AP3B1: variants seen among roughly 807,000 people sequenced by gnomAD.
AP3B1 encodes the protein adaptor related protein complex 3 subunit beta 1.
Under a neutral mutation model 132.5 loss-of-function variants are expected in AP3B1, and 61 were observed. The ratio of observed to expected loss-of-function variants is 0.46; its 90% CI spans 0.37 to 0.57. The LOEUF (loss-of-function observed/expected upper bound fraction) is 0.57, where lower values mean the gene tolerates loss of function less well. AP3B1 is among the 20% of genes least tolerant of loss of function. The pLI is 0.00. For missense variants in AP3B1, 1,120 were observed against 1,289.4 expected (o/e 0.87, Z 2.01); for synonymous variants, 388 against 438.3 (o/e 0.89, Z 1.43).
Position 78,183,173 on chromosome 5 carries a change from A to G in AP3B1, c.787-1511T>C, listed in dbSNP as rs543741951. Among the ~76,000 whole-genome samples, 7 of 152,314 alleles carry G rather than the reference A, an allele frequency of 4.6e-5. No individual in the cohort carries two copies. In the South Asian group the frequency reaches 1.4e-3, roughly 32 times the overall value. On this transcript the variant is annotated intron_variant, in intron 7 of 26. Transcript: ENST00000255194. ...GGAGCCAGAAATCCCACATTCACCT[A>G]TGGTAACAATGAGTAAAATCCCTCT... is the stretch of plus-strand genomic sequence containing the variant.
chr5:78,189,867 C>CTAAAA (rs1162656179), intron 7 of AP3B1, among the ~76,000 whole-genome samples: 4 of 102,590 alleles, frequency 3.9e-5, no homozygotes, highest in Admixed American at 1.1e-4. Flanking sequence ...AAGACTCCAT[C>CTAAAA]TCAAATAAAA....
chr5:78,161,291 A>T (rs1743377712), intron 13 of AP3B1, among the ~76,000 whole-genome samples: 2 of 152,034 alleles, frequency 1.3e-5, no homozygotes, highest in African/African-American at 2.4e-5. Context: ...AAAAGTCAAA[A>T]AATAAAATTG....
intron 1 of AP3B1, among the ~76,000 whole-genome samples, chr5:78,290,598 T>A (rs183230821): frequency 0.011 from 1,649 of 152,204 alleles, 16 homozygotes; most frequent in Middle Eastern, 0.024. Flanking sequence ...AGTTTTTTTT[T>A]AAATGAAGAA....
intron 22 of AP3B1, among the ~76,000 whole-genome samples, chr5:78,079,683 C>A (rs2112178615): frequency 6.6e-6 from 1 of 152,176 alleles, no homozygotes; most frequent in East Asian, 1.9e-4. Context: ...TAATGTAGCT[C>A]ACATTTATAA....
chr5:78,122,325 T>C (rs1580375966), intron 17 of AP3B1, among the ~76,000 whole-genome samples: 1 of 152,244 alleles, frequency 6.6e-6, no homozygotes, highest in East Asian at 1.9e-4. Flanking sequence ...CTATTCAACA[T>C]AGGGTTGGAA....
intron 3 of AP3B1, among the ~76,000 whole-genome samples, chr5:78,228,732 C>T (rs1400042933): frequency 6.6e-6 from 1 of 152,132 alleles, no homozygotes; most frequent in African/African-American, 2.4e-5. Flanking sequence ...AGGCCACTAA[C>T]TATATGTTAT....
At chr5:78,048,671 T>G (rs983522000) in intron 22 of AP3B1, among the ~76,000 whole-genome samples, 9 of 152,208 alleles carry the variant, frequency 5.9e-5, no homozygotes, top group African/African-American at 2.2e-4. Context: ...AAAGCATAGA[T>G]GAGAGACAGA....
intron 15 of AP3B1, among the ~76,000 whole-genome samples, chr5:78,131,345 T>C (rs1752678742): frequency 6.6e-6 from 1 of 152,072 alleles, no homozygotes; most frequent in Admixed American, 6.6e-5. Flanking sequence ...AACTTTCTTC[T>C]CTGTAGACCA....
intron 21 of AP3B1, among the ~76,000 whole-genome samples, chr5:78,100,510 T>C (rs558097119): frequency 8.5e-5 from 13 of 152,270 alleles, no homozygotes; most frequent in African/African-American, 3.1e-4. Flanking sequence ...TCCAAAGGCT[T>C]TGTAACCCAT....
chr5:78,138,191 T>G (rs576258155), intron 15 of AP3B1, among the ~76,000 whole-genome samples: 1 of 152,268 alleles, frequency 6.6e-6, no homozygotes, highest in South Asian at 2.1e-4. Flanking sequence ...TCAGGCTGGG[T>G]GCAGTGGCTC....
chr5:78,195,087 A>C (rs1745025351), intron 7 of AP3B1, among the ~76,000 whole-genome samples: 1 of 152,098 alleles, frequency 6.6e-6, no homozygotes, highest in Non-Finnish European at 1.5e-5. Flanking sequence ...AATTTAAAAA[A>C]ATGGGGACCA....
At chr5:78,139,876 G>A (rs1753072035) in intron 15 of AP3B1, among the ~76,000 whole-genome samples, 1 of 152,124 alleles carries the variant, frequency 6.6e-6, no homozygotes. Flanking sequence ...ACGAAGGGAT[G>A]AAGGATGTCA....
At chr5:78,095,841 C>T (rs1377803585) in intron 21 of AP3B1, among the ~76,000 whole-genome samples, 1 of 152,058 alleles carries the variant, frequency 6.6e-6, no homozygotes, top group Non-Finnish European at 1.5e-5. Context: ...AAAAGCAGGA[C>T]TATGAAAGAT....
At chr5:78,078,797 T>C (rs1329011034) in intron 22 of AP3B1, among the ~76,000 whole-genome samples, 1 of 152,248 alleles carries the variant, frequency 6.6e-6, no homozygotes, top group Non-Finnish European at 1.5e-5. Flanking sequence ...ATTCCTAGCA[T>C]AGTGATTTAG....
chr5:78,079,507 AC>A (rs1749901614), intron 22 of AP3B1, among the ~76,000 whole-genome samples: 1 of 152,212 alleles, frequency 6.6e-6, no homozygotes, highest in Admixed American at 6.5e-5. Context: ...TAAGGAGTTT[AC>A]CACATACGGT....
At position 78,125,624 on chromosome 5, in the gene AP3B1, A is replaced by C. The variant is rs558992304; in HGVS notation, c.1968+2406T>G. ...TTGTGTCCCTCATAGTATAATTTTA[A>C]GCCAATTGTCTCAGAGTCCAATAGA... On this transcript the variant is annotated intron_variant, in intron 17 of 26. Coordinates refer to ENST00000255194, the MANE Select transcript of AP3B1 (RefSeq NM_003664.5). Among the ~76,000 whole-genome samples, 19 of 152,294 alleles carry C rather than the reference A, an allele frequency of 1.2e-4. No homozygotes were observed. In the East Asian group the frequency reaches 3.7e-3, roughly 29 times the overall value.
At chr5:78,198,520 C>T (rs1745160991) in intron 7 of AP3B1, among the ~76,000 whole-genome samples, 1 of 152,038 alleles carries the variant, frequency 6.6e-6, no homozygotes, top group African/African-American at 2.4e-5. Flanking sequence ...GGCACTAATC[C>T]CATTATGAGG....
chr5:78,047,444 A>G (rs560082411), intron 22 of AP3B1, among the ~76,000 whole-genome samples: 4 of 152,268 alleles, frequency 2.6e-5, no homozygotes, highest in Admixed American at 1.3e-4. Flanking sequence ...GCATTTCTCT[A>G]ATGACCAGTG....
intron 7 of AP3B1, among the ~76,000 whole-genome samples, chr5:78,202,704 G>A (rs1442133624): frequency 6.6e-6 from 1 of 151,954 alleles, no homozygotes; most frequent in Non-Finnish European, 1.5e-5. Flanking sequence ...TAACTTGGAA[G>A]CACAACAGTA....
Sources: gnomAD v4.1 joint callset for allele counts (sites outside exome capture counted in the v4.1 genomes callset) on GRCh38, gnomAD v4.1.1 for gene constraint, MANE v1.5 for transcripts, NCBI Gene and HGNC (gene_info 2026-07-23, HGNC 2026-07-21) for gene names.